The following WDR59 variants were observed in gnomAD, a reference collection of about 807,000 sequenced individuals.
The protein encoded by WDR59 is GATOR2 complex protein WDR59.
Under a neutral mutation model 131.2 loss-of-function variants are expected in WDR59, and 100 were observed. That is an observed-to-expected ratio of 0.76 (90% confidence interval 0.65 to 0.90). The LOEUF (loss-of-function observed/expected upper bound fraction) is 0.90. Among genes scored for constraint, WDR59 ranks in the 40% least tolerant of loss-of-function variants. The pLI, the probability that WDR59 is intolerant of heterozygous loss-of-function variation, is 0.00. For missense variants in WDR59, 1,203 were observed against 1,262.2 expected, an observed-to-expected ratio of 0.95 and a Z score of 0.71; for synonymous variants, 601 against 466.2, an observed-to-expected ratio of 1.29 and a Z score of -3.72.
chr16:74,924,148 G>A (rs1382892233), intron 8 of WDR59, 145 bp from the exon 9 acceptor site: 13 of 698,518 alleles, frequency 1.9e-5, no homozygotes, highest in Non-Finnish European at 2.6e-5. Flanking sequence ...CTATAACCAC[G>A]CACTGTGACA....
At chr16:74,885,595 A>C (rs1964714670) in intron 25 of WDR59, 58 bp downstream of exon 25, 1 of 1,587,444 alleles carries the variant, frequency 6.3e-7, no homozygotes, top group South Asian at 1.2e-5. Context: ...GGCTGTGGAC[A>C]TATTAAATTA....
rs375829739 is a variant in WDR59, at chr16:74,951,020, C to T, written c.326+438G>A. 1.7e-4 allele frequency among the ~76,000 whole-genome samples: 25 copies of T among 151,220 alleles called. 1 individual carries two copies. The East Asian group carries it at 2.9e-3, about 18-fold the overall frequency. ...AAAAAAAAAAAAAAAATTAGCCGGG[C>T]GTGGTGGTGCACACCTATAATCCCA... On this transcript the variant is annotated intron_variant, in intron 4 of 25. Transcript: ENST00000262144.
At chr16:74,973,716 T>C (rs1208839189) in intron 1 of WDR59, among the ~76,000 whole-genome samples, 1 of 152,212 alleles carries the variant, frequency 6.6e-6, no homozygotes, top group Non-Finnish European at 1.5e-5. Flanking sequence ...ATTCTTTGAA[T>C]GTCATGGTGG....
At chr16:74,897,373 A>C (rs1305241157) in intron 18 of WDR59, among the ~76,000 whole-genome samples, 1 of 152,236 alleles carries the variant, frequency 6.6e-6, no homozygotes, top group Non-Finnish European at 1.5e-5. Context: ...CTAAGAGTCT[A>C]AAGAGATGTC....
rs771731928 is a variant in WDR59 at position 74,892,577 on chromosome 16, T to A, written c.2001-12A>T. On this transcript the variant is annotated splice_polypyrimidine_tract_variant and intron_variant, in intron 19 of 25. Coordinates refer to ENST00000262144, the MANE Select transcript of WDR59 (RefSeq NM_030581.4). ...CATTCACATTCAATCTGAAATTTTT[T>A]AAAAAGAATTAAACATTTCTTTCTA... The A allele has an allele frequency of 8.7e-6, 14 of 1,606,016 alleles. No homozygotes were observed. The African/African-American group carries it at 9.4e-5, about 11-fold the overall frequency.
At chr16:74,917,093 G>A (rs999773361) in intron 11 of WDR59, among the ~76,000 whole-genome samples, 5 of 152,176 alleles carry the variant, frequency 3.3e-5, no homozygotes, top group African/African-American at 1.2e-4. Context: ...CCACTGTCAA[G>A]AAATTTAGCC....
chr16:74,890,726 G>A lies in WDR59; in HGVS notation c.2083-911C>T, dbSNP rs76449207. On this transcript the variant is annotated intron_variant, in intron 20 of 25. Coordinates refer to ENST00000262144, the MANE Select transcript of WDR59 (RefSeq NM_030581.4). ...AAATCCCATGGGGCCTGGAGCCATT[G>A]AGCAGAAACCAATAGCCTCTAAGTG... Among the ~76,000 whole-genome samples, 1,142 of 152,294 alleles carry A rather than the reference G, an allele frequency of 7.5e-3. 12 individuals are homozygous for A. The highest frequency in any genetic ancestry group is 0.026 in the African/African-American group (1,085 of 41,574).
At chr16:74,893,587 T>C (rs1414367070) in intron 19 of WDR59, 92 bp downstream of exon 19, 2 of 1,409,988 alleles carry the variant, frequency 1.4e-6, no homozygotes, top group East Asian at 2.4e-5. Flanking sequence ...AAAACTGCTT[T>C]TGAAGAAAGG....
intron 14 of WDR59, among the ~76,000 whole-genome samples, chr16:74,911,458 C>T (rs1966084155): frequency 6.6e-6 from 1 of 152,222 alleles, no homozygotes; most frequent in Non-Finnish European, 1.5e-5. Flanking sequence ...TGTCAGAATA[C>T]TTCAGTCCCT....
chr16:74,979,780 C>A (rs2034325717), intron 1 of WDR59, among the ~76,000 whole-genome samples: 1 of 148,898 alleles, frequency 6.7e-6, no homozygotes, highest in African/African-American at 2.5e-5. Flanking sequence ...ACCTCAAGAT[C>A]CGCCTGCCTC....
At chr16:74,981,660 A>ATATATATAT (rs1567451007) in intron 1 of WDR59, among the ~76,000 whole-genome samples, 1 of 80,864 alleles carries the variant, frequency 1.2e-5, no homozygotes, top group African/African-American at 7.4e-5. Flanking sequence ...ATATATATAT[A>ATATATATAT]TTTTTTTTTT....
chr16:74,938,867 C>T (rs772306346), intron 7 of WDR59, among the ~76,000 whole-genome samples: 1 of 151,492 alleles, frequency 6.6e-6, no homozygotes, highest in Non-Finnish European at 1.5e-5. Context: ...TCTGACAATT[C>T]CCACTCGTCT....
At chr16:74,946,005 C>T (rs1198216389) in intron 6 of WDR59, among the ~76,000 whole-genome samples, 2 of 151,682 alleles carry the variant, frequency 1.3e-5, no homozygotes, top group Admixed American at 6.6e-5. Context: ...TTAGTAGAGA[C>T]GGGGTTTCTC....
At chr16:74,932,236 G>A (rs2145052868) in intron 8 of WDR59, among the ~76,000 whole-genome samples, 1 of 151,544 alleles carries the variant, frequency 6.6e-6, no homozygotes, top group Admixed American at 6.6e-5. Flanking sequence ...TGGGATGACA[G>A]GTGCATGCTA....
At chr16:74,906,110 C>T (rs956817795) in intron 17 of WDR59, among the ~76,000 whole-genome samples, 1 of 151,418 alleles carries the variant, frequency 6.6e-6, no homozygotes, top group East Asian at 1.9e-4. Context: ...GTCAGCAGAT[C>T]GAGACCATCC....
At chr16:74,964,925 G>A (rs779638835) in intron 2 of WDR59, among the ~76,000 whole-genome samples, 2 of 152,038 alleles carry the variant, frequency 1.3e-5, no homozygotes, top group South Asian at 2.1e-4. Context: ...TGAGCTGGGC[G>A]TGGTGGCACG....
intron 18 of WDR59, among the ~76,000 whole-genome samples, chr16:74,898,875 G>A (rs190233729): frequency 2.4e-4 from 37 of 152,346 alleles, no homozygotes; most frequent in Admixed American, 1.0e-3. Context: ...AGGTGGCCCC[G>A]TTGGTGGCTC....
chr16:74,977,596 G>A (rs1453910212), intron 1 of WDR59, among the ~76,000 whole-genome samples: 1 of 152,170 alleles, frequency 6.6e-6, no homozygotes, highest in Non-Finnish European at 1.5e-5. Flanking sequence ...GCTAAGGCAG[G>A]AGAATGGCGT....
chr16:74,949,761 C>T lies in WDR59; in HGVS notation c.364G>A (p.Val122Ile), dbSNP rs761531740. Residue 122 changes from valine (V) to isoleucine (I), a missense_variant, in exon 5 of 26, where the codon GTT (valine) becomes ATT (isoleucine). Val to Ile is a conservative substitution (Grantham distance 29, BLOSUM62 3). Transcript: ENST00000262144. ...DWAVFEPDLL[V>I]TSSVDTYIYI... ...ATGTAGGTGTCCACAGAGCTGGTAA[C>T]CAGGAGGTCAGGCTCAAACACCGCC... The T allele has an allele frequency of 1.2e-6, 2 of 1,613,886 alleles. No individual in the cohort carries two copies. Among genetic ancestry groups the T allele is most frequent in the Admixed American group, 1.7e-5 (1 of 59,986 alleles).
Sources: allele counts gnomAD v4.1 joint callset (sites outside exome capture counted in the v4.1 genomes callset), GRCh38; gene constraint gnomAD v4.1.1; transcripts MANE v1.5; gene names NCBI Gene and HGNC (gene_info 2026-07-23, HGNC 2026-07-21).